The following USH2A variants were observed in gnomAD, a reference collection of about 807,000 sequenced individuals.
USH2A encodes Usher syndrome 2A (autosomal recessive, mild).
A neutral mutation model predicts 538.9 loss-of-function variants in USH2A; 443 were observed. That is an observed-to-expected ratio of 0.82 (90% CI 0.76 to 0.89). USH2A has a LOEUF of 0.89. Among genes scored for constraint, USH2A ranks in the 40% least tolerant of loss-of-function variants. USH2A has a pLI of 0.00. For synonymous variants in USH2A, 2,413 were observed against 2,273.5 expected, an observed-to-expected ratio of 1.06 and a Z score of -1.75; for missense variants, 6,633 against 6,324.8, an observed-to-expected ratio of 1.05 and a Z score of -1.65.
intron 6 of USH2A, 66 bp downstream of exon 6, chr1:216,325,239 G>A (rs897441898): frequency 1.3e-6 from 2 of 1,538,172 alleles, no homozygotes; most frequent in Middle Eastern, 2.1e-4. Flanking sequence ...TTTAAGACAT[G>A]AAGTTTGTGG....
At chr1:216,069,718 T>C (rs2031494504) in intron 30 of USH2A, among the ~76,000 whole-genome samples, 1 of 152,168 alleles carries the variant, frequency 6.6e-6, no homozygotes, top group African/African-American at 2.4e-5. Context: ...AATTTTACAA[T>C]AAATAATAGT....
chr1:215,950,492 T>C (rs868844631), intron 37 of USH2A, among the ~76,000 whole-genome samples: 12 of 149,748 alleles, frequency 8.0e-5, no homozygotes, highest in African/African-American at 2.7e-4. Context: ...ATAACACATT[T>C]ATAATTGCTA....
intron 9 of USH2A, among the ~76,000 whole-genome samples, chr1:216,298,603 C>T (rs188940615): frequency 7.8e-4 from 119 of 152,170 alleles, no homozygotes; most frequent in African/African-American, 2.8e-3. Flanking sequence ...AGAAAAAAAC[C>T]CTGCAGATAT....
At chr1:216,385,564 G>C (rs2038990260) in intron 3 of USH2A, among the ~76,000 whole-genome samples, 1 of 152,158 alleles carries the variant, frequency 6.6e-6, no homozygotes, top group Non-Finnish European at 1.5e-5. Context: ...AATCCAACTA[G>C]AATTTTGGGG....
chr1:216,244,335 G>A (rs916548917), intron 13 of USH2A, among the ~76,000 whole-genome samples: 6 of 152,150 alleles, frequency 3.9e-5, no homozygotes, highest in South Asian at 2.1e-4. Flanking sequence ...ACTGCGACTG[G>A]AAGATAAAAA....
intron 27 of USH2A, among the ~76,000 whole-genome samples, chr1:216,073,686 A>G (rs555530624): frequency 1.2e-4 from 19 of 152,318 alleles, no homozygotes; most frequent in South Asian, 1.0e-3. Flanking sequence ...AAGTTACTAT[A>G]TAAGTCAGTT....
chr1:216,140,828 A>G (rs2033587751), intron 21 of USH2A, among the ~76,000 whole-genome samples: 1 of 152,234 alleles, frequency 6.6e-6, no homozygotes, highest in Non-Finnish European at 1.5e-5. Context: ...AGCCTCAGGA[A>G]GAGGCACAGG....
intron 4 of USH2A, among the ~76,000 whole-genome samples, chr1:216,336,885 A>G (rs972653607): frequency 1.3e-5 from 2 of 151,522 alleles, no homozygotes; most frequent in Non-Finnish European, 3.0e-5. Flanking sequence ...AAACACAATC[A>G]TACAAGAAGA....
intron 37 of USH2A, among the ~76,000 whole-genome samples, chr1:215,954,649 G>A (rs1471297463): frequency 3.3e-5 from 5 of 151,762 alleles, no homozygotes; most frequent in African/African-American, 1.2e-4. Context: ...CACCAACATG[G>A]CACATGTATA....
At chr1:215,753,580 A>T (rs1210615252) in intron 58 of USH2A, among the ~76,000 whole-genome samples, 1 of 152,022 alleles carries the variant, frequency 6.6e-6, no homozygotes, top group East Asian at 1.9e-4. Context: ...CAAACACCAC[A>T]TGTTCTCACT....
At chr1:216,355,758 T>C (rs1487704474) in intron 4 of USH2A, among the ~76,000 whole-genome samples, 1 of 152,106 alleles carries the variant, frequency 6.6e-6, no homozygotes, top group Non-Finnish European at 1.5e-5. Flanking sequence ...TTTTAAAATA[T>C]CTGCTACATA....
intron 4 of USH2A, among the ~76,000 whole-genome samples, chr1:216,358,811 T>G (rs2038437230): frequency 6.6e-6 from 1 of 152,028 alleles, no homozygotes; most frequent in African/African-American, 2.4e-5. Context: ...TAATCAGGAG[T>G]GAAATTTATT....
At chr1:216,067,911 C>A (rs1447119256) in intron 30 of USH2A, among the ~76,000 whole-genome samples, 1 of 151,878 alleles carries the variant, frequency 6.6e-6, no homozygotes, top group Middle Eastern at 3.2e-3. Context: ...GCTTCTGGAG[C>A]AAGCCAGAAA....
At chr1:216,262,314 GA>G (rs1202539999) in intron 11 of USH2A, among the ~76,000 whole-genome samples, 1 of 151,806 alleles carries the variant, frequency 6.6e-6, no homozygotes, top group African/African-American at 2.4e-5. Context: ...ATATGCAACT[GA>G]AAAAAATCAG....
intron 64 of USH2A, among the ~76,000 whole-genome samples, chr1:215,663,030 G>A (rs1657492632): frequency 6.6e-6 from 1 of 152,216 alleles, no homozygotes; most frequent in Admixed American, 6.5e-5. Context: ...TCATGGGTAT[G>A]TGGGTAAATT....
Position 215,870,479 on chromosome 1 carries a change from T to G in USH2A, c.8682-3309A>C, listed in dbSNP as rs868559532. On this transcript the variant is annotated intron_variant, in intron 43 of 71. Transcript: ENST00000307340. ...CTAGCTTTTTTTTTTTTTTTTTTAG[T>G]AGAGACGGGGTTTCATCGTGTTAGC... Among the ~76,000 whole-genome samples the G allele has an allele frequency of 4.9e-5, 7 of 142,872 alleles. No homozygotes were observed. In the East Asian group the frequency reaches 1.0e-3, roughly 21 times the overall value. 93.7% of individuals were successfully genotyped at this position (142,872 alleles called of 152,430 possible). A position where few individuals can be genotyped will look rare whatever the true frequency, so the allele number is the denominator to read the frequency against.
chr1:216,153,728 C>T (rs2033885969), intron 21 of USH2A, among the ~76,000 whole-genome samples: 2 of 151,818 alleles, frequency 1.3e-5, no homozygotes, highest in Admixed American at 1.3e-4. Context: ...GGAAAAAAAC[C>T]CTCAAAATAG....
At chr1:216,381,868 G>T (rs1322766668) in intron 3 of USH2A, among the ~76,000 whole-genome samples, 1 of 152,124 alleles carries the variant, frequency 6.6e-6, no homozygotes, top group Non-Finnish European at 1.5e-5. Flanking sequence ...GGAGCCCAGG[G>T]ATACAAAAAG....
At chr1:215,863,763 C>G (rs973213400) in intron 44 of USH2A, among the ~76,000 whole-genome samples, 4 of 151,776 alleles carry the variant, frequency 2.6e-5, no homozygotes, top group African/African-American at 9.7e-5. Context: ...TCACTTGAGC[C>G]CATTAATTCG....
Sources: allele counts gnomAD v4.1 joint callset (sites outside exome capture counted in the v4.1 genomes callset), GRCh38; gene constraint gnomAD v4.1.1; transcripts MANE v1.5; gene names NCBI Gene and HGNC (gene_info 2026-07-23, HGNC 2026-07-21).